CELF1: variants seen among roughly 807,000 people sequenced by gnomAD.
CELF1 encodes the protein CUGBP Elav-like family member 1, also known as 50 kDa nuclear polyadenylated RNA-binding protein.
CELF1 carries 10 observed loss-of-function variants against 61.8 expected under a neutral mutation model. The observed-to-expected ratio is 0.16, with a 90% CI of 0.10 to 0.27. The LOEUF (loss-of-function observed/expected upper bound fraction) is 0.27. CELF1 is among the 10% of genes least tolerant of loss of function. The pLI is 1.00. For missense variants in CELF1, 380 were observed against 639.1 expected (o/e 0.59, Z 4.37); for synonymous variants, 236 against 225.1 (o/e 1.05, Z -0.43).
intron 1 of CELF1, among the ~76,000 whole-genome samples, chr11:47,541,702 G>GA (rs1456751435): frequency 3.8e-5 from 3 of 79,638 alleles, no homozygotes; most frequent in African/African-American, 1.6e-4. Context: ...AAGAAAGAAA[G>GA]AAAGAAAGAA....
rs987707028 is a variant in CELF1, at chr11:47,466,507, C to T, written c.*5723G>A. On this transcript the variant is annotated 3_prime_UTR_variant, in exon 15 of 15. Transcript: ENST00000687097. Reference sequence around the variant, plus strand: ...TGTACAAAACCCCTAGTGTTAAATACAACGTTTGTACCAATAAAAAACTCA... The same window carrying T: ...TGTACAAAACCCCTAGTGTTAAATATAACGTTTGTACCAATAAAAAACTCA... The T allele has an allele frequency of 6.6e-6, 1 of 151,584 alleles. No individual in the cohort carries two copies. The highest frequency in any genetic ancestry group is 1.5e-5 in the Non-Finnish European group (1 of 67,930). 9.4% of individuals were successfully genotyped at this position (151,584 alleles called of 1,614,324 possible).
At chr11:47,489,935 G>GT (rs561900704) in intron 3 of CELF1, among the ~76,000 whole-genome samples, 2,910 of 48,200 alleles carry the variant, frequency 0.06, 806 homozygotes, top group South Asian at 0.098. Context: ...ATACCATCTT[G>GT]TTTTTTTTTT....
chr11:47,562,821 C>T (rs2097230684), intron 2 of CELF1, among the ~76,000 whole-genome samples: 1 of 152,008 alleles, frequency 6.6e-6, no homozygotes, highest in Non-Finnish European at 1.5e-5. Context: ...TCTCCTGCCT[C>T]AGCCTCCCAA....
chr11:47,498,658 CA>C (rs1158495301), intron 3 of CELF1, among the ~76,000 whole-genome samples: 3 of 152,176 alleles, frequency 2.0e-5, no homozygotes, highest in Non-Finnish European at 4.4e-5. Flanking sequence ...AGCCTGGTTA[CA>C]GTGACTGAAA....
chr11:47,523,056 T>C (rs1393043932), intron 1 of CELF1, among the ~76,000 whole-genome samples: 2 of 152,166 alleles, frequency 1.3e-5, no homozygotes, highest in Non-Finnish European at 2.9e-5. Flanking sequence ...TGAGAACACT[T>C]ATTTATGTAT....
intron 13 of CELF1, among the ~76,000 whole-genome samples, chr11:47,473,594 G>C (rs1362706148): frequency 6.6e-6 from 1 of 152,164 alleles, no homozygotes; most frequent in Admixed American, 6.5e-5. Flanking sequence ...AAACAAAACA[G>C]GTTTCCAAAT....
intron 1 of CELF1, among the ~76,000 whole-genome samples, chr11:47,545,870 C>G (rs11039285): frequency 2.2e-5 from 2 of 91,800 alleles, no homozygotes; most frequent in Non-Finnish European, 4.2e-5. Flanking sequence ...TGTGTGTCTG[C>G]GTGTGTGTGT....
chr11:47,515,388 T>C (rs1217353265), intron 1 of CELF1, among the ~76,000 whole-genome samples: 5 of 152,284 alleles, frequency 3.3e-5, no homozygotes, highest in East Asian at 1.9e-4. Context: ...CTTTCCATAA[T>C]ATTCATGATC....
rs2076980439 is a variant in CELF1 at position 47,468,145 on chromosome 11, A to G, written c.*4085T>C. The G allele has an allele frequency of 6.6e-6, 1 of 152,214 alleles. No individual in the cohort carries two copies. Among genetic ancestry groups the G allele is most frequent in the Admixed American group, 6.5e-5 (1 of 15,280 alleles). 9.4% of individuals were successfully genotyped at this position (152,214 alleles called of 1,614,324 possible). ...TGCTGTGGAGACTGTTGGAACAAGCATGGGGCTGAGGGGAAGGGGCAGGCG... is the reference window on the plus strand; with the variant it reads ...TGCTGTGGAGACTGTTGGAACAAGCGTGGGGCTGAGGGGAAGGGGCAGGCG... On this transcript the variant is annotated 3_prime_UTR_variant, in exon 15 of 15. Coordinates refer to ENST00000687097, the MANE Select transcript of CELF1 (RefSeq NM_001376376.1).
chr11:47,489,073 A>G (rs1565797562), intron 3 of CELF1, 49 bp from the exon 4 acceptor site: 2 of 1,400,508 alleles, frequency 1.4e-6, no homozygotes, highest in Non-Finnish European at 1.9e-6. Flanking sequence ...GTTGCTTTCC[A>G]GAGGAAATTT....
At chr11:47,496,270 C>T (rs1264778375) in intron 3 of CELF1, among the ~76,000 whole-genome samples, 2 of 152,206 alleles carry the variant, frequency 1.3e-5, no homozygotes, top group African/African-American at 2.4e-5. Flanking sequence ...TTTAAAGTCA[C>T]CATCCAACAA....
At chr11:47,528,643 A>G (rs1189729666) in intron 1 of CELF1, among the ~76,000 whole-genome samples, 1 of 151,892 alleles carries the variant, frequency 6.6e-6, no homozygotes, top group African/African-American at 2.4e-5. Context: ...AAAAATTGGG[A>G]GGTCGAGGCA....
chr11:47,540,642 T>C (rs1474345855), intron 1 of CELF1, among the ~76,000 whole-genome samples: 1 of 151,960 alleles, frequency 6.6e-6, no homozygotes, highest in Non-Finnish European at 1.5e-5. Context: ...CCCAGCACTT[T>C]GGGGAGGCCG....
intron 6 of CELF1, among the ~76,000 whole-genome samples, chr11:47,485,679 C>T (rs1235562319): frequency 4.6e-5 from 7 of 151,334 alleles, no homozygotes; most frequent in Non-Finnish European, 1.0e-4. Context: ...TCTCCTGGGT[C>T]CAAGCGATTC....
chr11:47,494,797 G>A (rs965483195), intron 3 of CELF1, among the ~76,000 whole-genome samples: 6 of 152,220 alleles, frequency 3.9e-5, no homozygotes, highest in Non-Finnish European at 7.3e-5. Context: ...TGAGCAATAC[G>A]ATGATAGCCA....
chr11:47,549,672 G>T (rs951353489), intron 1 of CELF1, among the ~76,000 whole-genome samples: 1 of 152,086 alleles, frequency 6.6e-6, no homozygotes, highest in African/African-American at 2.4e-5. Flanking sequence ...AGTAGGAGGG[G>T]GAAAAGGGGA....
upstream of CELF1, among the ~76,000 whole-genome samples, chr11:47,555,930 A>ACT: frequency 6.7e-6 from 1 of 148,560 alleles, no homozygotes; most frequent in Non-Finnish European, 1.5e-5. Context: ...AACTTGGGAG[A>ACT]CGGTGGTTGC....
chr11:47,496,056 G>A, intron 3 of CELF1: 3 of 942,118 alleles, frequency 3.2e-6, no homozygotes, highest in Non-Finnish European at 3.8e-6. Context: ...GGAAAAACTG[G>A]AACAGAAGTG....
At chr11:47,507,970 C>T (rs2094655676) in intron 1 of CELF1, among the ~76,000 whole-genome samples, 1 of 151,860 alleles carries the variant, frequency 6.6e-6, no homozygotes, top group East Asian at 1.9e-4. Context: ...CAAAAGTTAC[C>T]AAGAAGAAAG....
Sources: allele counts gnomAD v4.1 joint callset (sites outside exome capture counted in the v4.1 genomes callset), GRCh38; gene constraint gnomAD v4.1.1; transcripts MANE v1.5; gene names NCBI Gene and HGNC (gene_info 2026-07-23, HGNC 2026-07-21).